SUN1: variants seen among roughly 807,000 people sequenced by gnomAD.
SUN1 encodes the protein SUN domain-containing protein 1.
SUN1 carries 61 observed loss-of-function variants against 103.2 expected under a neutral mutation model. The ratio of observed to expected loss-of-function variants is 0.59; its 90% confidence interval spans 0.48 to 0.73. The LOEUF (loss-of-function observed/expected upper bound fraction) is 0.73, where lower values mean the gene tolerates loss of function less well. Among genes scored for constraint, SUN1 ranks in the 30% least tolerant of loss-of-function variants. The pLI is 0.00. For missense variants in SUN1, 1,052 were observed against 1,034.6 expected, an observed-to-expected ratio of 1.02 and a Z score of -0.23; for synonymous variants, 490 against 425.7, an observed-to-expected ratio of 1.15 and a Z score of -1.86.
intron 5 of SUN1, among the ~76,000 whole-genome samples, chr7:850,942 A>G (rs981169233): frequency 1.3e-5 from 2 of 152,172 alleles, no homozygotes; most frequent in African/African-American, 4.8e-5. Context: ...CTTTAGAATA[A>G]TGTTAGTTTT....
chr7:832,259 G>A (rs982315525), upstream of SUN1, among the ~76,000 whole-genome samples: 1 of 152,154 alleles, frequency 6.6e-6, no homozygotes, highest in African/African-American at 2.4e-5. Flanking sequence ...CCACTTTAGG[G>A]TTCCCCTGGT....
chr7:819,596 T>C (rs1340519194), intron 1 of SUN1, among the ~76,000 whole-genome samples: 1 of 152,210 alleles, frequency 6.6e-6, no homozygotes, highest in Non-Finnish European at 1.5e-5. Context: ...GACTGCTTTT[T>C]CCCTATTGAG....
rs1171794780 is a variant in SUN1 at position 874,427 on chromosome 7, A to G, written c.*1096A>G. ...ATCTACAAGGCACTTAAAGTGTTAC[A>G]GATGTTTTACCTTAAGAATTATTTA... On this transcript the variant is annotated 3_prime_UTR_variant, in exon 19 of 19. Transcript: ENST00000401592. 2 of 152,676 alleles carry G rather than the reference A, an allele frequency of 1.3e-5. No homozygotes were observed. The highest frequency in any genetic ancestry group is 2.9e-5 in the Non-Finnish European group (2 of 68,052). The allele number at this position is 152,676 out of a possible 1,614,324, so 9.5% of individuals were successfully genotyped here.
chr7:829,800 C>T (rs1216431724), upstream of SUN1, among the ~76,000 whole-genome samples: 1 of 152,042 alleles, frequency 6.6e-6, no homozygotes, highest in Admixed American at 6.5e-5. Flanking sequence ...ATGATCTGCC[C>T]TCCTCGGCCT....
At chr7:856,011 G>T (rs945219150) in intron 11 of SUN1, among the ~76,000 whole-genome samples, 1 of 152,208 alleles carries the variant, frequency 6.6e-6, no homozygotes, top group South Asian at 2.1e-4. Flanking sequence ...GGCCAGCACG[G>T]CTCAGCTTCA....
intron 1 of SUN1, among the ~76,000 whole-genome samples, chr7:819,942 A>G (rs1447027126): frequency 6.6e-6 from 1 of 152,100 alleles, no homozygotes; most frequent in Non-Finnish European, 1.5e-5. Context: ...TCCTGACCTC[A>G]TGATCTGCCC....
At chr7:848,075 T>C (rs1426429747) in intron 5 of SUN1, among the ~76,000 whole-genome samples, 1 of 149,474 alleles carries the variant, frequency 6.7e-6, no homozygotes, top group Admixed American at 6.6e-5. Context: ...CAGCGCCCTC[T>C]CTGGGATCTC....
chr7:824,123 A>G (rs538253387), intron 1 of SUN1, among the ~76,000 whole-genome samples: 1 of 152,364 alleles, frequency 6.6e-6, no homozygotes, highest in South Asian at 2.1e-4. Context: ...GGACGGGAGT[A>G]TCCCTGCCAT....
At position 869,396 on chromosome 7, in the gene SUN1, G is replaced by T; in HGVS notation, c.2028G>T (p.Gly676=). Residue 676 remains glycine (G), a synonymous_variant, in exon 17 of 19, where the codon GGG becomes GGT. Coordinates refer to ENST00000401592, the MANE Select transcript of SUN1 (RefSeq NM_001130965.3). ...GCTGGGCATTTAAAGGCTCCCAGGGGTACCTGGTGGTGAGGCTCTCCATGA... is the reference window on the plus strand; with the variant it reads ...GCTGGGCATTTAAAGGCTCCCAGGGTTACCTGGTGGTGAGGCTCTCCATGA... The part of the protein sequence containing the change: ...GNCWAFKGSQ[G]YLVVRLSMMI... The T allele has an allele frequency of 3.7e-6, 6 of 1,613,858 alleles. No individual in the cohort carries two copies. The highest frequency in any genetic ancestry group is 5.1e-6 in the Non-Finnish European group (6 of 1,179,860).
At chr7:829,065 C>T (rs1289605011), upstream of SUN1, among the ~76,000 whole-genome samples, 1 of 152,268 alleles carries the variant, frequency 6.6e-6, no homozygotes, top group African/African-American at 2.4e-5. Context: ...GCACAGATGC[C>T]AGCAGGAGCA....
chr7:827,438 T>C (rs944697376), intron 1 of SUN1, among the ~76,000 whole-genome samples: 1 of 151,600 alleles, frequency 6.6e-6, no homozygotes, highest in Non-Finnish European at 1.5e-5. Flanking sequence ...TCAAGTGATA[T>C]GGAGAGTAGG....
At chr7:861,850 G>C (rs1007340631) in intron 15 of SUN1, among the ~76,000 whole-genome samples, 3 of 152,270 alleles carry the variant, frequency 2.0e-5, no homozygotes, top group African/African-American at 7.2e-5. Flanking sequence ...ACCGAGAGCA[G>C]AAGCAGGCTA....
intron 2 of SUN1, chr7:839,230 C>A (rs546974131): frequency 2.4e-6 from 1 of 420,140 alleles, no homozygotes; most frequent in South Asian, 7.6e-5. Context: ...GTTTCAAGTT[C>A]TCTTCGCTGG....
chr7:835,599 T>C (rs1802278514), intron 1 of SUN1, among the ~76,000 whole-genome samples: 1 of 152,218 alleles, frequency 6.6e-6, no homozygotes, highest in Non-Finnish European at 1.5e-5. Flanking sequence ...AGTCTGGAAG[T>C]GCAGTCATTC....
chr7:855,825 C>T (rs1281942442), intron 11 of SUN1, among the ~76,000 whole-genome samples: 1 of 151,310 alleles, frequency 6.6e-6, no homozygotes, highest in African/African-American at 2.4e-5. Context: ...CGGGGCGCCT[C>T]CTCCTCTGTC....
chr7:849,630 G>A (rs572711824), intron 5 of SUN1: 1 of 1,517,754 alleles, frequency 6.6e-7, no homozygotes, highest in Non-Finnish European at 8.9e-7. Context: ...TTTCCTGTGG[G>A]CGTCGGTCGT....
chr7:838,928 G>A lies in SUN1; in HGVS notation c.208G>A (p.Ala70Thr). The change falls in exon 2 of 19, where the codon GCT becomes ACT. Residue 70 changes from alanine (A) to threonine (T), a missense_variant. Ala to Thr is a moderately conservative substitution (Grantham distance 58). Around this residue, in one of 2 missense-constraint regions of SUN1, gnomAD observed 846 missense variants for 774.5 expected, o/e 1.09. Transcript: ENST00000401592. Reference protein sequence around the residue: ...TTACTLGDGEAVGADSGTSSA... With the variant: ...TTACTLGDGETVGADSGTSSA... ...AGCATGCACCCTGGGGGATGGTGAG[G>A]CTGTGGGTGCCGACAGCGGCACCAG... The A allele has an allele frequency of 6.2e-7, 1 of 1,610,738 alleles. No homozygotes were observed. Among genetic ancestry groups the A allele is most frequent in the Non-Finnish European group, 8.5e-7 (1 of 1,179,056 alleles).
At chr7:850,129 T>C (rs1320316926) in intron 5 of SUN1, 36 of 1,180,198 alleles carry the variant, frequency 3.1e-5, no homozygotes, top group Non-Finnish European at 4.3e-5. Flanking sequence ...CTTTAAAGTC[T>C]TGCTGTAAAA....
upstream of SUN1, among the ~76,000 whole-genome samples, chr7:831,421 G>A (rs1237155210): frequency 1.3e-5 from 2 of 151,950 alleles, no homozygotes; most frequent in Admixed American, 6.6e-5. Flanking sequence ...ACAGGTGCCC[G>A]CCACCACGCC....
Sources: allele counts gnomAD v4.1 joint callset (sites outside exome capture counted in the v4.1 genomes callset), GRCh38; gene constraint gnomAD v4.1.1; regional missense constraint gnomAD v4.1.1; transcripts MANE v1.5; gene names NCBI Gene and HGNC (gene_info 2026-07-23, HGNC 2026-07-21).